Variants in USP6NL observed in about 807,000 individuals in gnomAD.
USP6NL encodes the protein USP6 N-terminal-like protein.
In USP6NL, 26 loss-of-function variants were observed where a neutral mutation model predicts 61.9. That is an observed-to-expected ratio of 0.42 (90% CI 0.31 to 0.58). The LOEUF is 0.58. Among genes scored for constraint, USP6NL ranks in the 20% least tolerant of loss-of-function variants. The pLI, the probability that USP6NL is intolerant of heterozygous loss-of-function variation, is 0.16. For synonymous variants in USP6NL, 432 were observed against 390.1 expected (o/e 1.11, Z -1.27); for missense variants, 1,114 against 1,034.3 (o/e 1.08, Z -1.06).
Position 11,499,961 on chromosome 10 carries a change from C to G in USP6NL, c.384+1140G>C, listed in dbSNP as rs1435003175. Reference sequence around the variant, plus strand: ...CCTACCATATGCTAGGCACACTGTACTAGGTGCTGGGGTTATATTTCATAT... The same window carrying G: ...CCTACCATATGCTAGGCACACTGTAGTAGGTGCTGGGGTTATATTTCATAT... On this transcript the variant is annotated intron_variant, in intron 7 of 14. Coordinates refer to ENST00000609104, the MANE Select transcript of USP6NL (RefSeq NM_014688.5). This position sits in a 1 kb window ranked among gnomAD's most constrained non-coding sequence, Gnocchi z 4.5. Among the ~76,000 whole-genome samples, 2 of 152,268 alleles carry G rather than the reference C, an allele frequency of 1.3e-5. No homozygotes were observed. Among genetic ancestry groups the G allele is most frequent in the Non-Finnish European group, 1.5e-5 (1 of 68,014 alleles).
At chr10:11,544,465 T>A (rs1224561329) in intron 2 of USP6NL, among the ~76,000 whole-genome samples, 1 of 152,154 alleles carries the variant, frequency 6.6e-6, no homozygotes, top group Non-Finnish European at 1.5e-5. Flanking sequence ...AATGCATTTA[T>A]AACAGTAATC....
At chr10:11,519,639 CAAATAAAT>C (rs199995086) in intron 4 of USP6NL, among the ~76,000 whole-genome samples, 18 of 151,920 alleles carry the variant, frequency 1.2e-4, no homozygotes, top group Non-Finnish European at 1.9e-4. Context: ...TCAAAATAAA[CAAATAAAT>C]AAATAAATAA....
In USP6NL at chr10:11,553,649, C is replaced by G. The variant is rs1041292126; in HGVS notation, c.5-26082G>C. Among the ~76,000 whole-genome samples the G allele has an allele frequency of 6.6e-6, 1 of 152,050 alleles. No homozygotes were observed. Among genetic ancestry groups the G allele is most frequent in the Admixed American group, 6.5e-5 (1 of 15,268 alleles). ...GTGGCTCATGCCTGTAATCCCGGTA[C>G]GTTGGAAGGCTGAGGTGGGTGGATT... On this transcript the variant is annotated intron_variant, in intron 2 of 14. Transcript: ENST00000609104. The surrounding 1 kb of genome is among the most constrained non-coding windows in gnomAD (Gnocchi z 4.8).
At chr10:11,464,002 T>C (rs1170091060) in intron 14 of USP6NL, among the ~76,000 whole-genome samples, 153 bp from the exon 15 acceptor site, 1 of 152,200 alleles carries the variant, frequency 6.6e-6, no homozygotes, top group African/African-American at 2.4e-5. Flanking sequence ...TTTATACCAC[T>C]TACACACACT....
intron 2 of USP6NL, among the ~76,000 whole-genome samples, chr10:11,550,394 A>G (rs1191631660): frequency 6.6e-6 from 1 of 152,192 alleles, no homozygotes; most frequent in Non-Finnish European, 1.5e-5. Context: ...AGATTAAAGA[A>G]TTCTTACAAC....
intron 4 of USP6NL, among the ~76,000 whole-genome samples, chr10:11,521,246 A>C (rs2133383499): frequency 6.7e-6 from 1 of 150,340 alleles, no homozygotes; most frequent in Middle Eastern, 3.5e-3. Flanking sequence ...AATTTAAGCC[A>C]GTCAAAATTT....
chr10:11,611,527 CGCGGCG>C lies in USP6NL; in HGVS notation c.-174_-169del, dbSNP rs564723504. On this transcript the variant is annotated 5_prime_UTR_variant, in exon 1 of 15. Coordinates refer to ENST00000609104, the MANE Select transcript of USP6NL (RefSeq NM_014688.5). This position sits in a 1 kb window ranked among gnomAD's most constrained non-coding sequence, Gnocchi z 5.3. ...GCCGAGCAGATCCGGCGCGGCGCGG[CGCGGCG>C]GCGGCGGCGGCTACCGCAGTGCCCT... is the stretch of plus-strand genomic sequence containing the variant. The C allele has an allele frequency of 1.3e-5, 2 of 159,294 alleles. No individual in the cohort carries two copies. The highest frequency in any genetic ancestry group is 2.7e-5 in the Non-Finnish European group (2 of 73,468). 9.9% of individuals were successfully genotyped at this position (159,294 alleles called of 1,614,324 possible).
chr10:11,559,662 A>G (rs1001800693), intron 2 of USP6NL, among the ~76,000 whole-genome samples: 1 of 152,236 alleles, frequency 6.6e-6, no homozygotes, highest in Admixed American at 6.5e-5. Context: ...TTTCTTAAAC[A>G]ATCACAAAGT....
At chr10:11,507,180 A>G (rs1834487060) in intron 6 of USP6NL, among the ~76,000 whole-genome samples, 1 of 152,230 alleles carries the variant, frequency 6.6e-6, no homozygotes, top group African/African-American at 2.4e-5. Context: ...TCATAGGCAT[A>G]TGTAGACCAC....
intron 2 of USP6NL, among the ~76,000 whole-genome samples, chr10:11,568,182 C>T (rs1239230593): frequency 3.4e-5 from 5 of 148,784 alleles, no homozygotes; most frequent in Non-Finnish European, 6.0e-5. Flanking sequence ...TGTGCGCGCG[C>T]GCGTGCTTGT....
At position 11,592,310 on chromosome 10, in the gene USP6NL, A is replaced by G. The variant is rs1838181205; in HGVS notation, c.4+5321T>C. 6.6e-6 allele frequency among the ~76,000 whole-genome samples: 1 copy of G among 152,220 alleles called. No individual in the cohort carries two copies. Among genetic ancestry groups the G allele is most frequent in the Admixed American group, 6.5e-5 (1 of 15,290 alleles). On this transcript the variant is annotated intron_variant, in intron 2 of 14. Coordinates refer to ENST00000609104, the MANE Select transcript of USP6NL (RefSeq NM_014688.5). The surrounding 1 kb of genome is among the most constrained non-coding windows in gnomAD (Gnocchi z 4.7). ...AAGTAATCACACAAATTTTCTGAGA[A>G]GCAATTTCTGCTGGCATTCTTCACC...
intron 2 of USP6NL, among the ~76,000 whole-genome samples, chr10:11,557,362 A>G (rs1836747704): frequency 6.6e-6 from 1 of 152,238 alleles, no homozygotes; most frequent in African/African-American, 2.4e-5. Flanking sequence ...AACACTTAAT[A>G]GCAATTAGAA....
intron 7 of USP6NL, 88 bp downstream of exon 7, chr10:11,501,013 A>G: frequency 9.8e-7 from 1 of 1,021,114 alleles, no homozygotes; most frequent in East Asian, 2.7e-5. Context: ...TTAAGTGATC[A>G]TATGAATATC....
intron 14 of USP6NL, among the ~76,000 whole-genome samples, chr10:11,472,579 A>G (rs1832803020): frequency 6.6e-6 from 1 of 152,264 alleles, no homozygotes; most frequent in African/African-American, 2.4e-5. Context: ...TCTAGGAAAG[A>G]GTTATCCCCT....
At position 11,474,698 on chromosome 10, in the gene USP6NL, A is replaced by AT. The variant is rs530985296; in HGVS notation, c.1078+7071dup. Among the ~76,000 whole-genome samples the AT allele has an allele frequency of 9.2e-3, 1,405 of 152,082 alleles. 17 individuals carry two copies. The highest frequency in any genetic ancestry group is 0.032 in the African/African-American group (1,341 of 41,496). ...TAGAAAATTTGTCCTTGAATTAATG[A>AT]TTTTTTTTAAAAAAAACTTGCATCA... On this transcript the variant is annotated intron_variant, in intron 14 of 14. Transcript: ENST00000609104. This position sits in a 1 kb window ranked among gnomAD's most constrained non-coding sequence, Gnocchi z 4.9.
At chr10:11,526,436 A>G (rs1216770071) in intron 3 of USP6NL, among the ~76,000 whole-genome samples, 4 of 152,126 alleles carry the variant, frequency 2.6e-5, no homozygotes, top group Non-Finnish European at 4.4e-5. Flanking sequence ...TTGTGTGGGG[A>G]AAAAAATGCA....
chr10:11,483,333 A>G (rs1833284141), intron 13 of USP6NL, among the ~76,000 whole-genome samples: 1 of 151,772 alleles, frequency 6.6e-6, no homozygotes, highest in Non-Finnish European at 1.5e-5. Context: ...ATCAAGGGTC[A>G]TATAAGTAGA....
chr10:11,501,525 T>C (rs1005454706), intron 6 of USP6NL, among the ~76,000 whole-genome samples: 1 of 152,234 alleles, frequency 6.6e-6, no homozygotes, highest in African/African-American at 2.4e-5. Context: ...GGTGTGAACA[T>C]CTGATTTACA....
intron 2 of USP6NL, among the ~76,000 whole-genome samples, chr10:11,578,617 A>C (rs769280092): frequency 1.1e-4 from 17 of 152,180 alleles, no homozygotes; most frequent in Non-Finnish European, 2.1e-4. Flanking sequence ...CTCTAAAAAA[A>C]ATAAATCAAA....
Sources: allele counts gnomAD v4.1 joint callset (sites outside exome capture counted in the v4.1 genomes callset), GRCh38; gene constraint gnomAD v4.1.1; non-coding constraint Gnocchi (gnomAD v3.1); transcripts MANE v1.5; gene names NCBI Gene and HGNC (gene_info 2026-07-23, HGNC 2026-07-21).